Variants in MTA3 observed in about 807,000 individuals in gnomAD.
MTA3 encodes metastasis associated 1 family member 3.
Under a neutral mutation model 83.5 loss-of-function variants are expected in MTA3, and 34 were observed. The observed-to-expected ratio is 0.41, with a 90% CI of 0.31 to 0.54. The LOEUF (loss-of-function observed/expected upper bound fraction) is 0.54. Among genes scored for constraint, MTA3 ranks in the 20% least tolerant of loss-of-function variants. The pLI, the probability that MTA3 is intolerant of heterozygous loss-of-function variation, is 0.33. For synonymous variants in MTA3, 303 were observed against 252.7 expected (o/e 1.20, Z -1.89); for missense variants, 761 against 726.4 (o/e 1.05, Z -0.55).
chr2:42,510,975 C>A (rs995950217), intron 2 of MTA3, among the ~76,000 whole-genome samples: 1 of 152,204 alleles, frequency 6.6e-6, no homozygotes, highest in African/African-American at 2.4e-5. Context: ...CATTAATGAA[C>A]CAAAATTAAC....
In MTA3 at chr2:42,546,279, C is replaced by A. The variant is rs967753952; in HGVS notation, c.-140-24158C>A. ...GAAGTGGCTCCACTCAAACAAAGGC[C>A]CCAGGAGAAATTAGTGGAGGGTGTG... is the stretch of plus-strand genomic sequence containing the variant. On this transcript the variant is annotated intron_variant, in intron 2 of 17. Coordinates refer to the MTA3 transcript ENST00000405592. 2.0e-5 allele frequency among the ~76,000 whole-genome samples: 3 copies of A among 152,048 alleles called. No individual in the cohort carries two copies. In the East Asian group the frequency reaches 5.8e-4, roughly 29 times the overall value.
chr2:42,635,623 C>T (rs938367618), intron 4 of MTA3, among the ~76,000 whole-genome samples: 1 of 150,780 alleles, frequency 6.6e-6, no homozygotes, highest in Non-Finnish European at 1.5e-5. Context: ...GAGCGAGACT[C>T]TATCTCAAAA....
chr2:42,665,339 C>T (rs1690138042), intron 8 of MTA3, among the ~76,000 whole-genome samples: 1 of 152,136 alleles, frequency 6.6e-6, no homozygotes, highest in Non-Finnish European at 1.5e-5. Context: ...TTGCAGTGAT[C>T]CGAGATTGTG....
intron 2 of MTA3, among the ~76,000 whole-genome samples, chr2:42,534,508 A>C (rs1811658): frequency 0.04 from 6,016 of 152,156 alleles, 160 homozygotes; most frequent in South Asian, 0.091. Flanking sequence ...GAGGGAGGAG[A>C]ATCGCTTGAA....
chr2:42,615,260 CTT>C (rs1222645178), intron 4 of MTA3, among the ~76,000 whole-genome samples: 10 of 135,346 alleles, frequency 7.4e-5, no homozygotes, highest in African/African-American at 5.4e-5. Flanking sequence ...CTGTTTTTTT[CTT>C]TTTTTTTTTT....
At chr2:42,606,786 C>T (rs1206331982) in intron 3 of MTA3, among the ~76,000 whole-genome samples, 1 of 151,352 alleles carries the variant, frequency 6.6e-6, no homozygotes, top group East Asian at 1.9e-4. Flanking sequence ...CCAGCCTGGG[C>T]ACCATTGAGC....
chr2:42,750,968 TG>T (rs1238616795), intron 16 of MTA3, among the ~76,000 whole-genome samples: 2 of 152,214 alleles, frequency 1.3e-5, no homozygotes, highest in African/African-American at 4.8e-5. Flanking sequence ...CATGAGCCTT[TG>T]GGGTTCTCTA....
At chr2:42,497,729 T>C (rs1252590142) in intron 2 of MTA3, among the ~76,000 whole-genome samples, 1 of 152,154 alleles carries the variant, frequency 6.6e-6, no homozygotes, top group East Asian at 1.9e-4. Context: ...ATGAAGATAA[T>C]AATACCTACA....
At chr2:42,561,751 C>T (rs1421838352) in intron 2 of MTA3, among the ~76,000 whole-genome samples, 1 of 151,844 alleles carries the variant, frequency 6.6e-6, no homozygotes, top group African/African-American at 2.4e-5. Context: ...TGAGGGGGTC[C>T]CCTTCTTTCT....
At chr2:42,526,580 C>A (rs1465371944) in intron 2 of MTA3, among the ~76,000 whole-genome samples, 1 of 152,186 alleles carries the variant, frequency 6.6e-6, no homozygotes, top group African/African-American at 2.4e-5. Context: ...CATTATTTAC[C>A]TCTATGATCC....
At chr2:42,530,749 C>A (rs1675927425) in intron 2 of MTA3, among the ~76,000 whole-genome samples, 1 of 152,158 alleles carries the variant, frequency 6.6e-6, no homozygotes, top group Non-Finnish European at 1.5e-5. Flanking sequence ...CACACCGTTG[C>A]ACTCCAGCCT....
chr2:42,649,945 A>G (rs1280482194), intron 6 of MTA3, among the ~76,000 whole-genome samples: 2 of 152,228 alleles, frequency 1.3e-5, no homozygotes, highest in Non-Finnish European at 2.9e-5. Flanking sequence ...ATAGAGATTT[A>G]ACTGTTTTAT....
intron 2 of MTA3, among the ~76,000 whole-genome samples, chr2:42,510,445 A>G (rs1419043918): frequency 6.6e-6 from 1 of 151,972 alleles, no homozygotes; most frequent in African/African-American, 2.4e-5. Flanking sequence ...AGCTCCCATC[A>G]TGTCTGGGTC....
At chr2:42,660,073 G>A (rs1689532976) in intron 8 of MTA3, among the ~76,000 whole-genome samples, 1 of 151,634 alleles carries the variant, frequency 6.6e-6, no homozygotes, top group Non-Finnish European at 1.5e-5. Flanking sequence ...TAGAAAGAGG[G>A]GCTGTTTTTT....
intron 2 of MTA3, among the ~76,000 whole-genome samples, chr2:42,503,109 T>C (rs1260270394): frequency 6.6e-6 from 1 of 152,074 alleles, no homozygotes; most frequent in African/African-American, 2.4e-5. Flanking sequence ...AGAGAAGTAA[T>C]GGATTAAAGA....
intron 2 of MTA3, among the ~76,000 whole-genome samples, chr2:42,517,146 G>T (rs1053776912): frequency 2.2e-4 from 34 of 152,098 alleles, no homozygotes; most frequent in African/African-American, 7.7e-4. Flanking sequence ...TGTAATTCCA[G>T]CTACTCAGGA....
intron 4 of MTA3, among the ~76,000 whole-genome samples, chr2:42,621,132 GT>G (rs3039328): frequency 5.1e-5 from 7 of 137,386 alleles, no homozygotes; most frequent in Admixed American, 1.5e-4. Flanking sequence ...TCTTATTAGA[GT>G]TTTTTTTTTT....
At chr2:42,594,729 T>TATATATATATATATA (rs1491154379) in intron 3 of MTA3, among the ~76,000 whole-genome samples, 9 of 19,124 alleles carry the variant, frequency 4.7e-4, no homozygotes, top group Admixed American at 8.2e-4. Context: ...TATATATATA[T>TATATATATATATATA]TTTTTTTTTT....
chr2:42,705,822 TATA>T (rs1666033443), intron 12 of MTA3, among the ~76,000 whole-genome samples: 1 of 152,236 alleles, frequency 6.6e-6, no homozygotes, highest in Admixed American at 6.5e-5. Context: ...ATTTTTATTT[TATA>T]ATATTTACTT....
Sources: gnomAD v4.1 joint callset for allele counts (sites outside exome capture counted in the v4.1 genomes callset) on GRCh38, gnomAD v4.1.1 for gene constraint, MANE v1.5 for transcripts, NCBI Gene and HGNC (gene_info 2026-07-23, HGNC 2026-07-21) for gene names.